ERC1: variants seen among roughly 807,000 people sequenced by gnomAD.
ERC1 encodes ELKS/RAB6-interacting/CAST family member 1, also known as RAB6 interacting protein 2.
ERC1 carries 56 observed loss-of-function variants against 132.0 expected under a neutral mutation model. The observed-to-expected ratio is 0.42, with a 90% CI of 0.34 to 0.53. The LOEUF is 0.53. Ranked by LOEUF, ERC1 falls within the 20% of genes least tolerant of loss-of-function variation. The probability of loss-of-function intolerance (pLI) is 0.03; values close to 1 mark genes in which losing one functional copy is unlikely to be tolerated. For missense variants in ERC1, 1,202 were observed against 1,349.9 expected, an observed-to-expected ratio of 0.89 and a Z score of 1.72; for synonymous variants, 478 against 476.1, an observed-to-expected ratio of 1.00 and a Z score of -0.05.
intron 15 of ERC1, among the ~76,000 whole-genome samples, chr12:1,358,796 G>T (rs779521167): frequency 5.3e-5 from 8 of 152,188 alleles, no homozygotes; most frequent in Non-Finnish European, 1.0e-4. Flanking sequence ...GAGATGTGGG[G>T]ATGAAGTTGG....
rs1259718111 is a variant in ERC1 at position 1,174,409 on chromosome 12, T to G, written c.1738-6131T>G. Reference sequence around the variant, plus strand: ...ATCCCTTTTCACTCCGACTCAACAGTCAGTCTCTCTAGAGTGGGTAATTGA... The same window carrying G: ...ATCCCTTTTCACTCCGACTCAACAGGCAGTCTCTCTAGAGTGGGTAATTGA... On this transcript the variant is annotated intron_variant, in intron 8 of 18. Coordinates refer to ENST00000360905, the MANE Select transcript of ERC1 (RefSeq NM_178040.4). Among the ~76,000 whole-genome samples, 5 of 152,294 alleles carry G rather than the reference T, an allele frequency of 3.3e-5. No homozygotes were observed. In the East Asian group the frequency reaches 9.6e-4, roughly 29 times the overall value.
intron 13 of ERC1, 84 bp from the exon 14 acceptor site, chr12:1,262,946 TAATA>T (rs1291113179): frequency 7.4e-7 from 1 of 1,355,074 alleles, no homozygotes; most frequent in Admixed American, 2.1e-5. Context: ...AAAGAACATT[TAATA>T]AGCAAACAGC....
chr12:1,081,129 A>G (rs1942135605), intron 2 of ERC1, among the ~76,000 whole-genome samples: 2 of 152,186 alleles, frequency 1.3e-5, no homozygotes, highest in African/African-American at 2.4e-5. Flanking sequence ...TAGGCCTTGA[A>G]TACAAGGAAT....
intron 16 of ERC1, among the ~76,000 whole-genome samples, chr12:1,391,677 C>A (rs553332955): frequency 2.6e-5 from 4 of 152,266 alleles, no homozygotes; most frequent in African/African-American, 9.6e-5. Context: ...GCATGGGGCC[C>A]GCCGCTTGGT....
chr12:1,013,566 C>T (rs898657553), intron 1 of ERC1, among the ~76,000 whole-genome samples: 1 of 152,122 alleles, frequency 6.6e-6, no homozygotes, highest in African/African-American at 2.4e-5. Flanking sequence ...TTTAGCCACA[C>T]TGTCGTGTAG....
At chr12:1,049,499 A>T (rs766369216) in intron 2 of ERC1, among the ~76,000 whole-genome samples, 1 of 152,140 alleles carries the variant, frequency 6.6e-6, no homozygotes, top group Non-Finnish European at 1.5e-5. Context: ...GTGGAGATTT[A>T]AAAAATCTCC....
rs561569604 is a variant in ERC1, at chr12:1,473,198, G to A, written c.3214-16895G>A. ...GCACCACCATGCCCAGCTAATTTTT[G>A]TATTTTTTTAAGTAGAGACAGGGTT... is the stretch of plus-strand genomic sequence containing the variant. On this transcript the variant is annotated intron_variant, in intron 18 of 18. Transcript: ENST00000360905. Among the ~76,000 whole-genome samples, 365 of 152,136 alleles carry A rather than the reference G, an allele frequency of 2.4e-3. 3 individuals carry two copies. The highest frequency in any genetic ancestry group is 1.7e-3 in the Non-Finnish European group (113 of 67,984).
intron 14 of ERC1, 87 bp downstream of exon 14, chr12:1,263,252 A>G (rs1331234543): frequency 1.9e-5 from 25 of 1,350,780 alleles, no homozygotes; most frequent in Non-Finnish European, 2.5e-5. Context: ...AACTATACAT[A>G]TTGTATGTTT....
chr12:1,389,051 C>G (rs11061739), intron 16 of ERC1, among the ~76,000 whole-genome samples: 1,551 of 152,248 alleles, frequency 0.01, 27 homozygotes, highest in African/African-American at 0.035. Flanking sequence ...TTGGTGGTTC[C>G]CGTGCTGTTT....
At chr12:1,137,850 C>CA (rs773631124) in intron 7 of ERC1, among the ~76,000 whole-genome samples, 18 of 142,530 alleles carry the variant, frequency 1.3e-4, no homozygotes, top group Non-Finnish European at 1.7e-4. Flanking sequence ...AAGACTGTCT[C>CA]AAAAAAACAA....
intron 8 of ERC1, among the ~76,000 whole-genome samples, chr12:1,154,459 T>G (rs1303335829): frequency 6.6e-6 from 1 of 151,734 alleles, no homozygotes; most frequent in African/African-American, 2.4e-5. Flanking sequence ...CCATAAAAAT[T>G]CTGGAAGATA....
intron 12 of ERC1, among the ~76,000 whole-genome samples, chr12:1,218,402 A>C (rs935901721): frequency 7.2e-5 from 11 of 152,160 alleles, no homozygotes; most frequent in African/African-American, 2.7e-4. Context: ...AATGTCTTAA[A>C]AAAAATCGTT....
chr12:1,242,268 G>A (rs528267892), intron 13 of ERC1, among the ~76,000 whole-genome samples: 1 of 151,988 alleles, frequency 6.6e-6, no homozygotes, highest in Non-Finnish European at 1.5e-5. Context: ...CATCATTTGA[G>A]TGTCTTTAGT....
At chr12:1,399,429 A>AT (rs2154386456) in intron 16 of ERC1, among the ~76,000 whole-genome samples, 1 of 152,198 alleles carries the variant, frequency 6.6e-6, no homozygotes, top group Non-Finnish European at 1.5e-5. Context: ...ACAATACCCT[A>AT]TTTTTTAAAG....
At chr12:1,094,558 G>A (rs1318118360) in intron 3 of ERC1, among the ~76,000 whole-genome samples, 1 of 151,848 alleles carries the variant, frequency 6.6e-6, no homozygotes, top group African/African-American at 2.4e-5. Flanking sequence ...TTACAGACGT[G>A]TGCCACCACA....
intron 6 of ERC1, among the ~76,000 whole-genome samples, chr12:1,114,719 T>G (rs146440365): frequency 1.3e-5 from 2 of 152,360 alleles, no homozygotes; most frequent in East Asian, 3.9e-4. Flanking sequence ...AAAATTATCT[T>G]CCACTGATGT....
chr12:1,001,897 G>C (rs1393322856), intron 1 of ERC1, among the ~76,000 whole-genome samples: 1 of 118,172 alleles, frequency 8.5e-6, no homozygotes, highest in African/African-American at 3.4e-5. Context: ...GTCTCGCTCT[G>C]TTGCCCAGGC....
chr12:1,120,345 T>C (rs192042231), intron 7 of ERC1, among the ~76,000 whole-genome samples: 11 of 152,302 alleles, frequency 7.2e-5, no homozygotes, highest in African/African-American at 2.6e-4. Context: ...CACCTTACAG[T>C]TTATAGCACT....
intron 2 of ERC1, among the ~76,000 whole-genome samples, chr12:1,049,985 C>T (rs1275822003): frequency 1.3e-5 from 2 of 151,992 alleles, no homozygotes; most frequent in African/African-American, 2.4e-5. Context: ...TCAGGTGATC[C>T]GCCCGCCTCG....
Sources: allele counts gnomAD v4.1 joint callset (sites outside exome capture counted in the v4.1 genomes callset), GRCh38; gene constraint gnomAD v4.1.1; transcripts MANE v1.5; gene names NCBI Gene and HGNC (gene_info 2026-07-23, HGNC 2026-07-21).